COLEC10: variants seen among roughly 807,000 people sequenced by gnomAD.
The protein encoded by COLEC10 is collectin-10.
A neutral mutation model predicts 28.4 loss-of-function variants in COLEC10; 22 were observed. That is an observed-to-expected ratio of 0.78 (90% CI 0.55 to 1.11). COLEC10 has a LOEUF of 1.11. COLEC10 is among the 50% of genes least tolerant of loss of function. COLEC10 has a pLI of 0.00. For synonymous variants in COLEC10, 125 were observed against 116.1 expected (o/e 1.08, Z -0.49); for missense variants, 361 against 344.1 (o/e 1.05, Z -0.39).
intron 1 of COLEC10, among the ~76,000 whole-genome samples, chr8:118,999,149 A>C (rs1397700924): frequency 6.6e-6 from 1 of 152,174 alleles, no homozygotes; most frequent in Non-Finnish European, 1.5e-5. Flanking sequence ...TTATAAATAC[A>C]TTCATTTATT....
the COLEC10 span, among the ~76,000 whole-genome samples, chr8:118,960,991 A>G: frequency 6.6e-6 from 1 of 152,158 alleles, no homozygotes. Context: ...AAACATATAT[A>G]TTGTCATGTC....
At chr8:118,996,207 T>A (rs1813586389) in intron 1 of COLEC10, among the ~76,000 whole-genome samples, 1 of 152,254 alleles carries the variant, frequency 6.6e-6, no homozygotes, top group Non-Finnish European at 1.5e-5. Context: ...CACATGATAG[T>A]TTCCTTTGGC....
intron 3 of COLEC10, among the ~76,000 whole-genome samples, chr8:119,099,132 TTTTG>T (rs896642786): frequency 2.6e-5 from 4 of 152,074 alleles, no homozygotes; most frequent in South Asian, 2.1e-4. Context: ...ATTATGATTT[TTTTG>T]TTTGTTTGTT....
At chr8:119,075,426 A>C (rs1445102776) in intron 1 of COLEC10, among the ~76,000 whole-genome samples, 2 of 152,140 alleles carry the variant, frequency 1.3e-5, no homozygotes, top group African/African-American at 4.8e-5. Context: ...GTACATATAC[A>C]CAGTAAAAAT....
chr8:118,990,831 T>G (rs185009849), upstream of COLEC10, among the ~76,000 whole-genome samples: 75 of 151,950 alleles, frequency 4.9e-4, no homozygotes, highest in East Asian at 0.014. Context: ...CAAAGCAAAC[T>G]GAGAGTCCCA....
chr8:118,971,037 G>T, the COLEC10 span, among the ~76,000 whole-genome samples: 23 of 152,076 alleles, frequency 1.5e-4, no homozygotes, highest in African/African-American at 5.5e-4. Context: ...GTAAAAACAC[G>T]TGACTTAAGG....
At chr8:119,034,974 AG>A (rs1814360442) in intron 2 of COLEC10, among the ~76,000 whole-genome samples, 1 of 152,200 alleles carries the variant, frequency 6.6e-6, no homozygotes, top group Non-Finnish European at 1.5e-5. Context: ...GTCCAAAAAT[AG>A]CAAAGACGAG....
At chr8:118,981,388 T>TA in the COLEC10 span, among the ~76,000 whole-genome samples, 274 of 152,228 alleles carry the variant, frequency 1.8e-3, 2 homozygotes, top group African/African-American at 6.2e-3. Flanking sequence ...TTATTTTGTT[T>TA]AAAAAAATTT....
intron 1 of COLEC10, among the ~76,000 whole-genome samples, chr8:119,007,617 T>A (rs1043847654): frequency 6.6e-6 from 1 of 151,176 alleles, no homozygotes; most frequent in African/African-American, 2.5e-5. Context: ...TTGTCCAAAC[T>A]TTCAACTTAC....
At chr8:118,971,725 A>G in the COLEC10 span, among the ~76,000 whole-genome samples, 2 of 152,048 alleles carry the variant, frequency 1.3e-5, no homozygotes, top group Non-Finnish European at 2.9e-5. Context: ...AGGAATATTT[A>G]ATACACAACC....
chr8:119,072,916 G>A (rs1015816798), intron 1 of COLEC10, among the ~76,000 whole-genome samples: 2 of 152,178 alleles, frequency 1.3e-5, no homozygotes, highest in Non-Finnish European at 2.9e-5. Flanking sequence ...TACTGGACAT[G>A]GCTCTGGATC....
the COLEC10 span, among the ~76,000 whole-genome samples, chr8:118,965,358 C>T: frequency 2.0e-5 from 3 of 152,184 alleles, no homozygotes; most frequent in Admixed American, 6.5e-5. Flanking sequence ...TGCAAGATGA[C>T]TGTCAAATCT....
At chr8:118,966,678 GT>G in the COLEC10 span, among the ~76,000 whole-genome samples, 18,171 of 145,186 alleles carry the variant, frequency 0.13, 1,339 homozygotes, top group African/African-American at 0.22. Context: ...AATGTTCCAT[GT>G]TTTTTTTTTT....
At chr8:118,967,260 A>G in the COLEC10 span, among the ~76,000 whole-genome samples, 1 of 152,136 alleles carries the variant, frequency 6.6e-6, no homozygotes. Flanking sequence ...CAGAACCATT[A>G]GCATATTTGA....
At chr8:119,103,956 C>A in intron 5 of COLEC10, 61 bp downstream of exon 5, 1 of 1,091,526 alleles carries the variant, frequency 9.2e-7, no homozygotes, top group Non-Finnish European at 1.4e-6. Context: ...CACTACAATT[C>A]CAGTACTCTT....
intron 1 of COLEC10, among the ~76,000 whole-genome samples, chr8:118,998,846 C>CAAAAAAAA (rs567463648): frequency 1.4e-4 from 11 of 76,612 alleles, no homozygotes; most frequent in Admixed American, 4.9e-4. Context: ...GACTCCGTCT[C>CAAAAAAAA]AAAAAAAAAA....
chr8:119,032,100 T>A (rs1649370585), intron 2 of COLEC10, among the ~76,000 whole-genome samples: 1 of 152,186 alleles, frequency 6.6e-6, no homozygotes, highest in Non-Finnish European at 1.5e-5. Flanking sequence ...AGGACTCAAT[T>A]TGAGGTCATC....
chr8:118,987,710 G>A, the COLEC10 span, among the ~76,000 whole-genome samples: 1 of 152,054 alleles, frequency 6.6e-6, no homozygotes, highest in African/African-American at 2.4e-5. Flanking sequence ...CATGTGAATG[G>A]CAGAATAAAG....
chr8:118,986,588 A>T, the COLEC10 span, among the ~76,000 whole-genome samples: 2 of 152,222 alleles, frequency 1.3e-5, no homozygotes, highest in Non-Finnish European at 2.9e-5. Flanking sequence ...TGCCAAAAAG[A>T]TGAATGAAAA....
Sources: gnomAD v4.1 joint callset for allele counts (sites outside exome capture counted in the v4.1 genomes callset) on GRCh38, gnomAD v4.1.1 for gene constraint, MANE v1.5 for transcripts, NCBI Gene and HGNC (gene_info 2026-07-23, HGNC 2026-07-21) for gene names.